Variants in SH3GL2 observed in about 807,000 individuals in gnomAD.
SH3GL2 encodes SH3 domain containing GRB2 like 2, endophilin A1, also known as endophilin-A1.
SH3GL2 carries 24 observed loss-of-function variants against 46.0 expected under a neutral mutation model. The observed-to-expected ratio is 0.52, with a 90% CI of 0.38 to 0.73. SH3GL2 has a LOEUF of 0.73. Ranked by LOEUF, SH3GL2 falls within the 30% of genes least tolerant of loss-of-function variation. The pLI is 0.00. For synonymous variants in SH3GL2, 196 were observed against 147.1 expected, an observed-to-expected ratio of 1.33 and a Z score of -2.40; for missense variants, 413 against 424.2, an observed-to-expected ratio of 0.97 and a Z score of 0.23.
chr9:17,591,685 G>C (rs1457831319), intron 1 of SH3GL2, among the ~76,000 whole-genome samples: 1 of 152,058 alleles, frequency 6.6e-6, no homozygotes. Flanking sequence ...TTCCTTTTCG[G>C]GTCTCAAAGT....
intron 1 of SH3GL2, among the ~76,000 whole-genome samples, chr9:17,672,876 C>G (rs1820507993): frequency 6.6e-6 from 1 of 152,164 alleles, no homozygotes. Context: ...CATTCTGTTT[C>G]AGAATTAGAT....
intron 1 of SH3GL2, among the ~76,000 whole-genome samples, chr9:17,679,445 A>G (rs866685936): frequency 3.9e-5 from 6 of 152,326 alleles, no homozygotes; most frequent in South Asian, 2.1e-4. Flanking sequence ...TTTTTGCTGT[A>G]TAAGAATGCT....
chr9:17,693,751 G>A (rs1462223469), intron 1 of SH3GL2, among the ~76,000 whole-genome samples: 2 of 152,186 alleles, frequency 1.3e-5, no homozygotes, highest in African/African-American at 4.8e-5. Context: ...TGAATCAAGC[G>A]AGCAGTGAAC....
chr9:17,691,376 C>G (rs1354745347), intron 1 of SH3GL2, among the ~76,000 whole-genome samples: 1 of 152,102 alleles, frequency 6.6e-6, no homozygotes, highest in Non-Finnish European at 1.5e-5. Flanking sequence ...TTGTGTGTCT[C>G]TTTTAAATTT....
chr9:17,761,991 C>T (rs188329442), intron 3 of SH3GL2, among the ~76,000 whole-genome samples: 1 of 152,258 alleles, frequency 6.6e-6, no homozygotes, highest in Admixed American at 6.5e-5. Context: ...TCTCCAAGCA[C>T]ATCACAGATC....
Position 17,795,957 on chromosome 9 carries a change from TA to T in SH3GL2, c.*218del. 1.8e-6 allele frequency: 1 copy of T among 555,572 alleles called. No homozygotes were observed. The highest frequency in any genetic ancestry group is 3.1e-5 in the Admixed American group (1 of 32,724). 34.4% of individuals were successfully genotyped at this position (555,572 alleles called of 1,614,324 possible). A position where few individuals can be genotyped will look rare whatever the true frequency, so the allele number is the denominator to read the frequency against. ...CCTGGTGGGCGTGGCATGTGCTTTT[TA>T]AAACATCATCTGAGACCAGCCAGTA... On this transcript the variant is annotated 3_prime_UTR_variant, in exon 9 of 9. Coordinates refer to ENST00000380607, the MANE Select transcript of SH3GL2 (RefSeq NM_003026.5).
At position 17,789,774 on chromosome 9, in the gene SH3GL2, G is replaced by T. The variant is rs188480491; in HGVS notation, c.624+224G>T. The stretch of plus-strand genomic sequence containing the variant: ...TTTAACTAGATTCTCGACTGCTAAT[G>T]AATCTTAAAGTACAGATGCTCCTTA... On this transcript the variant is annotated intron_variant, in intron 6 of 8. Coordinates refer to ENST00000380607, the MANE Select transcript of SH3GL2 (RefSeq NM_003026.5). 2.0e-3 allele frequency: 1,961 copies of T among 983,816 alleles called. 5 individuals carry two copies. The highest frequency in any genetic ancestry group is 5.2e-3 in the Admixed American group (85 of 16,254). The allele number at this position is 983,816 out of a possible 1,614,324, so 60.9% of individuals were successfully genotyped here.
At chr9:17,684,097 A>G (rs181303415) in intron 1 of SH3GL2, among the ~76,000 whole-genome samples, 9 of 152,284 alleles carry the variant, frequency 5.9e-5, no homozygotes, top group African/African-American at 1.9e-4. Context: ...AAACAAAGCA[A>G]TCAATAGAAC....
chr9:17,693,354 C>T (rs1182627880), intron 1 of SH3GL2, among the ~76,000 whole-genome samples: 1 of 152,062 alleles, frequency 6.6e-6, no homozygotes, highest in South Asian at 2.1e-4. Context: ...TTAATGGATG[C>T]TCTTTTGGTT....
chr9:17,630,381 T>C (rs922709907), intron 1 of SH3GL2: 18 of 152,256 alleles, frequency 1.2e-4, no homozygotes, highest in African/African-American at 4.3e-4. Context: ...TTCTTGTGAC[T>C]GTTACTGAGT....
In SH3GL2 at chr9:17,579,304, G is replaced by A. The variant is rs770615225; in HGVS notation, c.45+17G>A. On this transcript the variant is annotated intron_variant, in intron 1 of 8. Coordinates refer to ENST00000380607, the MANE Select transcript of SH3GL2 (RefSeq NM_003026.5). ...GCCACTCAGGTAAGGCGCGCGGCAG[G>A]TGCGTCCCGGGGCAGTCCGGGGCGA... is the stretch of plus-strand genomic sequence containing the variant. The A allele has an allele frequency of 1.1e-5, 17 of 1,550,934 alleles. No homozygotes were observed. Among genetic ancestry groups the A allele is most frequent in the Non-Finnish European group, 1.4e-5 (16 of 1,147,694 alleles).
chr9:17,733,596 T>C (rs1373670836), intron 1 of SH3GL2, among the ~76,000 whole-genome samples: 1 of 150,644 alleles, frequency 6.6e-6, no homozygotes, highest in African/African-American at 2.4e-5. Flanking sequence ...GAAATACCAT[T>C]TGACCCAGCC....
At chr9:17,705,719 G>A (rs901019350) in intron 1 of SH3GL2, among the ~76,000 whole-genome samples, 5 of 151,954 alleles carry the variant, frequency 3.3e-5, no homozygotes, top group Non-Finnish European at 5.9e-5. Context: ...ACAAAATACA[G>A]TATGTTCAGG....
In SH3GL2 at chr9:17,728,470, G is replaced by T. The variant is rs181152640; in HGVS notation, c.46-18596G>T. ...TTTTTAAATTTTTAAAATTATTTATGTATGTATGTATTTATTTTTATTATA... is the reference window on the plus strand; with the variant it reads ...TTTTTAAATTTTTAAAATTATTTATTTATGTATGTATTTATTTTTATTATA... On this transcript the variant is annotated intron_variant, in intron 1 of 8. Coordinates refer to ENST00000380607, the MANE Select transcript of SH3GL2 (RefSeq NM_003026.5). Among the ~76,000 whole-genome samples the T allele has an allele frequency of 5.9e-4, 89 of 151,758 alleles. 2 individuals are homozygous for T. The highest frequency in any genetic ancestry group is 2.0e-3 in the Admixed American group (31 of 15,188).
At position 17,751,481 on chromosome 9, in the gene SH3GL2, T is replaced by TGC. The variant is rs201071405; in HGVS notation, c.114+4348_114+4349insCG. ...TGGTGTGTGTGTTTTTGTGTGTGCG[T>TGC]GTGTGTGTGTGTGTGTGTGTGTGTG... is the stretch of plus-strand genomic sequence containing the variant. On this transcript the variant is annotated intron_variant, in intron 2 of 8. Coordinates refer to ENST00000380607, the MANE Select transcript of SH3GL2 (RefSeq NM_003026.5). 4.7e-3 allele frequency among the ~76,000 whole-genome samples: 423 copies of TGC among 89,122 alleles called. 2 individuals are homozygous for TGC. Among genetic ancestry groups the TGC allele is most frequent in the African/African-American group, 0.016 (402 of 25,256 alleles). The allele number at this position is 89,122 out of a possible 152,430, so 58.5% of individuals were successfully genotyped here. A position where few individuals can be genotyped will look rare whatever the true frequency, so the allele number is the denominator to read the frequency against.
intron 1 of SH3GL2, among the ~76,000 whole-genome samples, chr9:17,665,386 T>C (rs10963191): frequency 0.38 from 58,090 of 151,970 alleles, 12,039 homozygotes; most frequent in South Asian, 0.58. Flanking sequence ...TCTTGAATCA[T>C]TCTTCATCCT....
At chr9:17,591,656 GAA>G (rs757410356) in intron 1 of SH3GL2, among the ~76,000 whole-genome samples, 11 of 152,292 alleles carry the variant, frequency 7.2e-5, no homozygotes, top group Admixed American at 3.9e-4. Flanking sequence ...GGTTGTTTGT[GAA>G]GGAATGTTTT....
intron 1 of SH3GL2, among the ~76,000 whole-genome samples, chr9:17,739,136 A>G (rs10963243): frequency 0.058 from 8,770 of 152,174 alleles, 294 homozygotes; most frequent in Non-Finnish European, 0.082. Context: ...TGTAGTTTCA[A>G]TTCACAAAAC....
chr9:17,748,419 G>C (rs1822753719), intron 2 of SH3GL2, among the ~76,000 whole-genome samples: 1 of 152,084 alleles, frequency 6.6e-6, no homozygotes, highest in South Asian at 2.1e-4. Context: ...TTCTGATTTT[G>C]ATTCTACCAG....
Sources: allele counts gnomAD v4.1 joint callset (sites outside exome capture counted in the v4.1 genomes callset), GRCh38; gene constraint gnomAD v4.1.1; transcripts MANE v1.5; gene names NCBI Gene and HGNC (gene_info 2026-07-23, HGNC 2026-07-21).